The following CUX1 variants were observed in gnomAD, a reference collection of about 807,000 sequenced individuals.
CUX1 encodes the protein cut like homeobox 1.
A neutral mutation model predicts 158.8 loss-of-function variants in CUX1; 31 were observed. The ratio of observed to expected loss-of-function variants is 0.20; its 90% CI spans 0.15 to 0.26. The LOEUF (loss-of-function observed/expected upper bound fraction) is 0.26, where lower values mean the gene tolerates loss of function less well. Ranked by LOEUF, CUX1 falls within the 10% of genes least tolerant of loss-of-function variation. CUX1 has a pLI of 1.00. For missense variants in CUX1, 1,589 were observed against 2,014.6 expected (o/e 0.79, Z 4.04); for synonymous variants, 879 against 862.1 (o/e 1.02, Z -0.34).
intron 2 of CUX1, among the ~76,000 whole-genome samples, chr7:101,945,268 C>T (rs1256809457): frequency 6.6e-6 from 1 of 152,314 alleles, no homozygotes; most frequent in South Asian, 2.1e-4. Flanking sequence ...CTACAGGATA[C>T]ACTTGCTTTC....
At chr7:102,213,356 C>T (rs540153736) in intron 20 of CUX1, among the ~76,000 whole-genome samples, 16 of 152,334 alleles carry the variant, frequency 1.1e-4, no homozygotes, top group Admixed American at 9.8e-4. Context: ...GACACAAAAC[C>T]TTGAGCTTCC....
intron 8 of CUX1, among the ~76,000 whole-genome samples, chr7:102,129,545 G>A (rs1302375250): frequency 2.6e-5 from 4 of 152,080 alleles, no homozygotes; most frequent in African/African-American, 9.7e-5. Context: ...TTAGCTGGGC[G>A]TGGTAGTGGG....
intron 8 of CUX1, among the ~76,000 whole-genome samples, chr7:102,147,266 G>A (rs974215205): frequency 1.4e-4 from 21 of 152,284 alleles, no homozygotes; most frequent in Non-Finnish European, 2.6e-4. Context: ...GATAGGGCAA[G>A]TCATACAGAT....
chr7:102,127,042 C>T (rs888493177), intron 8 of CUX1, among the ~76,000 whole-genome samples: 14 of 152,212 alleles, frequency 9.2e-5, no homozygotes, highest in South Asian at 4.2e-4. Flanking sequence ...GCTCATCTGA[C>T]GGGAGGCAGA....
At chr7:102,148,734 T>C (rs1835290280) in intron 8 of CUX1, among the ~76,000 whole-genome samples, 1 of 149,164 alleles carries the variant, frequency 6.7e-6, no homozygotes, top group Non-Finnish European at 1.5e-5. Context: ...TATATATTAC[T>C]CAAGAACATG....
At chr7:102,281,353 T>TA (rs1357548104) in intron 20 of CUX1, among the ~76,000 whole-genome samples, 13 of 151,456 alleles carry the variant, frequency 8.6e-5, no homozygotes, top group Non-Finnish European at 1.8e-4. Context: ...CAACCTTGTC[T>TA]AAAAAAACGT....
At chr7:102,236,129 AG>A (rs1208533774) in intron 22 of CUX1, among the ~76,000 whole-genome samples, 1 of 152,224 alleles carries the variant, frequency 6.6e-6, no homozygotes, top group East Asian at 1.9e-4. Context: ...TCCTATCAGT[AG>A]GGAACGGGAA....
intron 3 of CUX1, among the ~76,000 whole-genome samples, chr7:102,061,433 C>A (rs557111062): frequency 1.3e-5 from 2 of 152,266 alleles, no homozygotes; most frequent in Admixed American, 6.5e-5. Context: ...TGGGTTTCTG[C>A]GTCTGAGAAA....
Position 102,281,878 on chromosome 7 carries a change from C to T in CUX1, c.1860C>T (p.Ile620=), listed in dbSNP as rs782458280. The T allele has an allele frequency of 6.8e-6, 11 of 1,613,510 alleles. 1 individual carries two copies. Among genetic ancestry groups the T allele is most frequent in the African/African-American group, 5.3e-5 (4 of 74,924 alleles). The change falls in exon 21 of 23, where the codon ATC becomes ATT. Residue 620 remains isoleucine, a synonymous_variant. Transcript: ENST00000292538. The stretch of plus-strand genomic sequence containing the variant: ...TCTCCAACAAGATGGCGCGCACCAT[C>T]GGCTTCTTCTACACACTGTTCCTGC...
chr7:102,275,282 G>A (rs1791527427), exon 17 of CUX1: 1 of 1,611,708 alleles, frequency 6.2e-7, no homozygotes, highest in Non-Finnish European at 8.5e-7. Flanking sequence ...CCTCCCAGAG[G>A]GCCAGGTGGA....
intron 1 of CUX1, among the ~76,000 whole-genome samples, chr7:101,907,287 G>A (rs757791778): frequency 4.0e-4 from 61 of 152,172 alleles, no homozygotes; most frequent in Admixed American, 3.9e-4. Flanking sequence ...GACTTTGTCA[G>A]CCCTTCAAAG....
chr7:101,929,875 C>T (rs745915342), intron 2 of CUX1, among the ~76,000 whole-genome samples: 21 of 151,992 alleles, frequency 1.4e-4, no homozygotes, highest in Admixed American at 2.6e-4. Flanking sequence ...GATTTTTGTT[C>T]TTGTCACCCA....
intron 1 of CUX1, among the ~76,000 whole-genome samples, chr7:101,863,010 G>A (rs959775650): frequency 5.9e-5 from 9 of 151,408 alleles, no homozygotes; most frequent in African/African-American, 1.7e-4. Context: ...TTTACTTGTC[G>A]CTGGCCTTGT....
intron 8 of CUX1, among the ~76,000 whole-genome samples, chr7:102,124,064 C>G (rs1306755568): frequency 6.6e-6 from 1 of 152,180 alleles, no homozygotes; most frequent in Admixed American, 6.5e-5. Context: ...CAGATTTTAC[C>G]TATTTAAGAG....
chr7:101,889,616 C>CA (rs1800639743), intron 1 of CUX1, among the ~76,000 whole-genome samples: 1 of 151,946 alleles, frequency 6.6e-6, no homozygotes, highest in Non-Finnish European at 1.5e-5. Flanking sequence ...ACTAAAAATA[C>CA]AAAAAATTAG....
rs781898402 is a variant in CUX1 at position 102,252,999 on chromosome 7, C to T, written c.*3957C>T. 23 of 985,312 alleles carry T rather than the reference C, an allele frequency of 2.3e-5. No individual in the cohort carries two copies. Among genetic ancestry groups the T allele is most frequent in the Non-Finnish European group, 2.7e-5 (22 of 829,966 alleles). 61.0% of individuals were successfully genotyped at this position (985,312 alleles called of 1,614,324 possible). On this transcript the variant is annotated 3_prime_UTR_variant, in exon 24 of 24. Transcript: ENST00000292535. ...GCCAGGATCGTGGCTCACAGGGACC[C>T]ACCATCAAAACCTGCTACTTTGTGC...
At chr7:102,230,762 C>A (rs568695283) in intron 21 of CUX1, among the ~76,000 whole-genome samples, 2 of 152,086 alleles carry the variant, frequency 1.3e-5, no homozygotes, top group Admixed American at 1.3e-4. Context: ...GCAGGGATTC[C>A]TAGACTTGAG....
At chr7:102,073,844 G>T (rs535639248) in intron 4 of CUX1, among the ~76,000 whole-genome samples, 26 of 152,122 alleles carry the variant, frequency 1.7e-4, no homozygotes, top group Non-Finnish European at 2.9e-4. Flanking sequence ...ATTGAAGTTT[G>T]CAGTTTAAAT....
At chr7:102,205,905 G>A (rs982547749) in intron 20 of CUX1, among the ~76,000 whole-genome samples, 11 of 152,062 alleles carry the variant, frequency 7.2e-5, no homozygotes, top group South Asian at 2.1e-4. Flanking sequence ...CTTCTCGTGC[G>A]CCAATCCCAC....
Sources: allele counts gnomAD v4.1 joint callset (sites outside exome capture counted in the v4.1 genomes callset), GRCh38; gene constraint gnomAD v4.1.1; transcripts MANE v1.5; gene names NCBI Gene and HGNC (gene_info 2026-07-23, HGNC 2026-07-21).